Variants in L3MBTL4 observed in about 807,000 individuals in gnomAD.
L3MBTL4 encodes the protein lethal(3)malignant brain tumor-like protein 4.
Under a neutral mutation model 84.5 loss-of-function variants are expected in L3MBTL4, and 70 were observed. The ratio of observed to expected loss-of-function variants is 0.83; its 90% confidence interval spans 0.68 to 1.01. L3MBTL4 has a LOEUF of 1.01. Among genes scored for constraint, L3MBTL4 ranks in the 50% least tolerant of loss-of-function variants. The pLI is 0.00. For synonymous variants in L3MBTL4, 274 were observed against 259.8 expected (o/e 1.05, Z -0.52); for missense variants, 715 against 754.8 (o/e 0.95, Z 0.62).
At chr18:6,196,241 T>C (rs1485336119) in intron 12 of L3MBTL4, among the ~76,000 whole-genome samples, 1 of 147,832 alleles carries the variant, frequency 6.8e-6, no homozygotes, top group Non-Finnish European at 1.5e-5. Flanking sequence ...CACTGCAAGC[T>C]CCACCTCCCG....
intron 16 of L3MBTL4, among the ~76,000 whole-genome samples, chr18:5,983,067 G>A (rs1310986439): frequency 6.6e-6 from 1 of 152,158 alleles, no homozygotes; most frequent in Non-Finnish European, 1.5e-5. Flanking sequence ...AAACTGATGC[G>A]ATTTTGTTAA....
Position 6,171,961 on chromosome 18 carries a change from A to G in L3MBTL4, c.982-19T>C. On this transcript the variant is annotated intron_variant, in intron 12 of 18. Coordinates refer to ENST00000317931, the MANE Select transcript of L3MBTL4 (RefSeq NM_001330559.2). ...AATGAACCTGTTAAAACGAGTTTTG[A>G]ATGATTAGCATTTAGTAATTAGGAT... The G allele has an allele frequency of 8.2e-7, 1 of 1,216,410 alleles. No individual in the cohort carries two copies. Among genetic ancestry groups the G allele is most frequent in the Middle Eastern group, 1.9e-4 (1 of 5,324 alleles). The allele number at this position is 1,216,410 out of a possible 1,614,324, so 75.4% of individuals were successfully genotyped here. A position where few individuals can be genotyped will look rare whatever the true frequency, so the allele number is the denominator to read the frequency against.
At chr18:6,288,062 C>T (rs1030836136) in intron 4 of L3MBTL4, among the ~76,000 whole-genome samples, 1 of 152,116 alleles carries the variant, frequency 6.6e-6, no homozygotes, top group East Asian at 1.9e-4. Context: ...AAAGAGAAAT[C>T]TTAAAGTTTG....
intron 10 of L3MBTL4, among the ~76,000 whole-genome samples, chr18:6,217,797 T>C (rs1177791097): frequency 1.3e-5 from 2 of 152,238 alleles, no homozygotes; most frequent in Non-Finnish European, 2.9e-5. Flanking sequence ...GTATTTTGTC[T>C]CAAATTATTT....
intron 14 of L3MBTL4, among the ~76,000 whole-genome samples, chr18:6,119,562 T>C (rs1391945588): frequency 6.6e-6 from 1 of 152,198 alleles, no homozygotes; most frequent in African/African-American, 2.4e-5. Context: ...GTTCAGGAAA[T>C]ACTCAAAATA....
At chr18:6,254,107 G>T (rs375138060) in intron 5 of L3MBTL4, among the ~76,000 whole-genome samples, 2 of 151,858 alleles carry the variant, frequency 1.3e-5, no homozygotes, top group East Asian at 3.9e-4. Flanking sequence ...CAAAATTTTG[G>T]GTGCAAATGG....
intron 12 of L3MBTL4, among the ~76,000 whole-genome samples, chr18:6,192,266 A>G (rs1437872904): frequency 2.0e-5 from 3 of 152,198 alleles, no homozygotes; most frequent in African/African-American, 7.2e-5. Flanking sequence ...GATGGCAGAC[A>G]TAATACCATA....
chr18:6,300,562 T>G (rs1359920098), intron 4 of L3MBTL4, among the ~76,000 whole-genome samples: 1 of 152,206 alleles, frequency 6.6e-6, no homozygotes, highest in East Asian at 1.9e-4. Flanking sequence ...TTGAGATAAA[T>G]ATATACCTGG....
At chr18:6,400,271 AATTAGTTGATAAACC>A (rs2055454741) in intron 1 of L3MBTL4, among the ~76,000 whole-genome samples, 2 of 152,236 alleles carry the variant, frequency 1.3e-5, no homozygotes, top group Non-Finnish European at 2.9e-5. Context: ...TCTAAACCCA[AATTAGTTGATAAACC>A]ATTGAATGCA....
intron 14 of L3MBTL4, among the ~76,000 whole-genome samples, chr18:6,118,993 C>CTTTTTTTTTTTTTTTTTTTTTTTTTTTTT: frequency 1.2e-5 from 1 of 83,712 alleles, no homozygotes; most frequent in Non-Finnish European, 2.3e-5. Context: ...TTTTTGGTTT[C>CTTTTTTTTTTTTTTTTTTTTTTTTTTTTT]TTTTTTTTTT....
At chr18:5,967,927 T>C (rs1463582579) in intron 17 of L3MBTL4, among the ~76,000 whole-genome samples, 2 of 152,212 alleles carry the variant, frequency 1.3e-5, no homozygotes, top group African/African-American at 4.8e-5. Flanking sequence ...GGCAGAGACA[T>C]GCCCAGAATT....
At chr18:6,252,040 G>A (rs200947816) in intron 5 of L3MBTL4, among the ~76,000 whole-genome samples, 1 of 152,202 alleles carries the variant, frequency 6.6e-6, no homozygotes, top group Admixed American at 6.5e-5. Context: ...GGCCGGGCAC[G>A]GTGGCTCACG....
chr18:6,087,516 G>C (rs2058296773), intron 15 of L3MBTL4, among the ~76,000 whole-genome samples: 1 of 152,154 alleles, frequency 6.6e-6, no homozygotes, highest in East Asian at 1.9e-4. Flanking sequence ...GGGAGCTGGA[G>C]GGGGGCTGCT....
At chr18:6,109,473 A>G (rs1010068817) in intron 14 of L3MBTL4, among the ~76,000 whole-genome samples, 2 of 152,100 alleles carry the variant, frequency 1.3e-5, no homozygotes, top group East Asian at 3.9e-4. Context: ...GCTGTCCAGG[A>G]CGTCCCTGCC....
chr18:6,050,013 T>C (rs1034413649), intron 16 of L3MBTL4, among the ~76,000 whole-genome samples: 1 of 152,182 alleles, frequency 6.6e-6, no homozygotes, highest in African/African-American at 2.4e-5. Context: ...GCTAGCAAAA[T>C]TCTATCGCAA....
intron 16 of L3MBTL4, chr18:6,031,133 T>C (rs2145603228): frequency 1.0e-6 from 1 of 985,432 alleles, no homozygotes; most frequent in South Asian, 4.7e-5. Flanking sequence ...GTGATCCAAG[T>C]TCTAAACCCA....
At chr18:6,183,594 A>G (rs989675965) in intron 12 of L3MBTL4, among the ~76,000 whole-genome samples, 1 of 152,224 alleles carries the variant, frequency 6.6e-6, no homozygotes. Flanking sequence ...ACTAAATCAC[A>G]TGAAGAAGGA....
chr18:5,987,518 C>T (rs1344701661), intron 16 of L3MBTL4, among the ~76,000 whole-genome samples: 1 of 152,188 alleles, frequency 6.6e-6, no homozygotes, highest in African/African-American at 2.4e-5. Context: ...TTAGCATCCT[C>T]CTACAACGAG....
intron 15 of L3MBTL4, among the ~76,000 whole-genome samples, chr18:6,091,725 T>A (rs1455148328): frequency 6.6e-6 from 1 of 151,860 alleles, no homozygotes; most frequent in African/African-American, 2.4e-5. Context: ...GAGCAATCAT[T>A]TTTTTTAAGG....
Sources: allele counts gnomAD v4.1 joint callset (sites outside exome capture counted in the v4.1 genomes callset), GRCh38; gene constraint gnomAD v4.1.1; transcripts MANE v1.5; gene names NCBI Gene and HGNC (gene_info 2026-07-23, HGNC 2026-07-21).